Variants in PHF21A observed in about 807,000 individuals in gnomAD.
The protein encoded by PHF21A is PHD finger protein 21A.
In PHF21A, 11 loss-of-function variants were observed where a neutral mutation model predicts 82.5. That is an observed-to-expected ratio of 0.13 (90% CI 0.08 to 0.22). The LOEUF is 0.22. PHF21A is among the 10% of genes least tolerant of loss of function. The pLI, the probability that PHF21A is intolerant of heterozygous loss-of-function variation, is 1.00. For missense variants in PHF21A, 579 were observed against 837.8 expected, an observed-to-expected ratio of 0.69 and a Z score of 3.81; for synonymous variants, 297 against 302.8, an observed-to-expected ratio of 0.98 and a Z score of 0.20.
chr11:45,994,762 G>A (rs747837928), intron 6 of PHF21A, among the ~76,000 whole-genome samples: 108 of 152,280 alleles, frequency 7.1e-4, no homozygotes, highest in Non-Finnish European at 1.3e-3. Context: ...AACCCAGCTC[G>A]CTTAGCTTAC....
At chr11:46,010,108 A>G (rs866784072) in intron 6 of PHF21A, among the ~76,000 whole-genome samples, 2 of 152,218 alleles carry the variant, frequency 1.3e-5, no homozygotes, top group Admixed American at 6.5e-5. Flanking sequence ...GCCAAGTTTG[A>G]GAGTTACTGC....
intron 6 of PHF21A, among the ~76,000 whole-genome samples, chr11:46,019,996 T>A (rs1267047259): frequency 6.6e-6 from 1 of 152,128 alleles, no homozygotes; most frequent in East Asian, 1.9e-4. Context: ...TTGACTCTTT[T>A]TTTTTTTAGC....
chr11:46,050,502 G>T (rs2096341949), intron 6 of PHF21A, among the ~76,000 whole-genome samples: 1 of 152,130 alleles, frequency 6.6e-6, no homozygotes, highest in Non-Finnish European at 1.5e-5. Context: ...AAATAAAAGA[G>T]GGCTGAACTG....
At chr11:46,037,640 C>CAAA (rs1000939610) in intron 6 of PHF21A, among the ~76,000 whole-genome samples, 39 of 58,892 alleles carry the variant, frequency 6.6e-4, no homozygotes, top group Non-Finnish European at 8.1e-4. Context: ...AACGTCATCT[C>CAAA]AAAAAAAAAA....
rs558892005 is a variant in PHF21A, at chr11:46,090,538, C to T, written c.-167G>A. ...CCCCCTCTTGGAGATTCACAATGCA[C>T]ATTAGCATATTAAAGGTTCTGAGAA... On this transcript the variant is annotated 5_prime_UTR_variant, in exon 3 of 19. In the 5' UTR this introduces an upstream ATG that the reference lacks. Transcript: ENST00000676320. The T allele has an allele frequency of 6.6e-6, 1 of 152,244 alleles. No homozygotes were observed. Among genetic ancestry groups the T allele is most frequent in the South Asian group, 2.1e-4 (1 of 4,820 alleles). 9.4% of individuals were successfully genotyped at this position (152,244 alleles called of 1,614,324 possible). A position where few individuals can be genotyped will look rare whatever the true frequency, so the allele number is the denominator to read the frequency against.
At chr11:45,936,281 A>C (rs1311297344) in intron 17 of PHF21A, among the ~76,000 whole-genome samples, 1 of 152,252 alleles carries the variant, frequency 6.6e-6, no homozygotes, top group Non-Finnish European at 1.5e-5. Flanking sequence ...CTTGTCTCAA[A>C]AAATAAATGA....
intron 6 of PHF21A, among the ~76,000 whole-genome samples, chr11:46,055,201 T>C (rs1272945890): frequency 6.6e-6 from 1 of 152,208 alleles, no homozygotes; most frequent in African/African-American, 2.4e-5. Context: ...CATTCTGTTA[T>C]AGATCTCTTA....
At chr11:45,991,150 T>C (rs1448203610) in intron 6 of PHF21A, among the ~76,000 whole-genome samples, 1 of 152,224 alleles carries the variant, frequency 6.6e-6, no homozygotes, top group African/African-American at 2.4e-5. Context: ...CCTTTCCAAA[T>C]TGGTTTCTTT....
intron 10 of PHF21A, among the ~76,000 whole-genome samples, chr11:45,955,658 C>A (rs2092578289): frequency 6.6e-6 from 1 of 152,174 alleles, no homozygotes; most frequent in South Asian, 2.1e-4. Context: ...GTACAATTAT[C>A]TCAGTGTTAT....
chr11:46,011,334 C>A (rs1278860221), intron 6 of PHF21A, among the ~76,000 whole-genome samples: 1 of 151,970 alleles, frequency 6.6e-6, no homozygotes, highest in Non-Finnish European at 1.5e-5. Context: ...ACTAAAAATA[C>A]AAAAATTAGC....
intron 7 of PHF21A, among the ~76,000 whole-genome samples, chr11:45,972,557 C>T (rs536209573): frequency 1.3e-5 from 2 of 152,110 alleles, no homozygotes; most frequent in African/African-American, 4.8e-5. Flanking sequence ...GCAGGTGGAT[C>T]GTCTGAGGTC....
intron 6 of PHF21A, among the ~76,000 whole-genome samples, chr11:46,050,315 G>A (rs553586099): frequency 1.3e-5 from 2 of 152,346 alleles, no homozygotes; most frequent in African/African-American, 4.8e-5. Flanking sequence ...TAATACCACT[G>A]GGTCTTGTTG....
Position 46,011,690 on chromosome 11 carries a change from G to A in PHF21A, c.154-31724C>T, listed in dbSNP as rs573180294. Among the ~76,000 whole-genome samples, 139 of 152,256 alleles carry A rather than the reference G, an allele frequency of 9.1e-4. 4 individuals carry two copies. The South Asian group carries it at 0.028, about 30-fold the overall frequency. ...TTTCTGACTCCCGCAGAATACAGAT[G>A]TTCTTTCAAGCAATGTATTTAGCTA... is the stretch of plus-strand genomic sequence containing the variant. On this transcript the variant is annotated intron_variant, in intron 6 of 18. Transcript: ENST00000676320.
At chr11:46,109,899 T>G (rs2097192493) in intron 1 of PHF21A, among the ~76,000 whole-genome samples, 1 of 151,352 alleles carries the variant, frequency 6.6e-6, no homozygotes, top group Admixed American at 6.6e-5. Context: ...GAGAATCACT[T>G]GAACCTAGGA....
At chr11:45,987,052 C>T (rs1248952961) in intron 6 of PHF21A, among the ~76,000 whole-genome samples, 1 of 152,010 alleles carries the variant, frequency 6.6e-6, no homozygotes, top group Non-Finnish European at 1.5e-5. Flanking sequence ...GGTTCAGGGC[C>T]ATAATTATGA....
chr11:46,081,726 A>T (rs1008589968), intron 4 of PHF21A, among the ~76,000 whole-genome samples: 5 of 152,234 alleles, frequency 3.3e-5, no homozygotes, highest in Non-Finnish European at 5.9e-5. Flanking sequence ...GATATACTTC[A>T]TGCCAAAGGT....
rs1352495456 is a variant in PHF21A at position 46,121,444 on chromosome 11, C to G, written c.-746G>C. ...CACCAGCCCATTCACCACCCGGCCC[C>G]GGGCCGCAGCACCTCCGCCGCCTCA... On this transcript the variant is annotated 5_prime_UTR_variant, in exon 1 of 19. Coordinates refer to ENST00000676320, the MANE Select transcript of PHF21A (RefSeq NM_001352027.3). 1.3e-5 allele frequency among the ~76,000 whole-genome samples: 2 copies of G among 150,758 alleles called. No homozygotes were observed. The highest frequency in any genetic ancestry group is 1.5e-5 in the Non-Finnish European group (1 of 67,492).
chr11:46,015,129 CT>C (rs1235494586), intron 6 of PHF21A, among the ~76,000 whole-genome samples: 1 of 151,958 alleles, frequency 6.6e-6, no homozygotes, highest in African/African-American at 2.4e-5. Flanking sequence ...TGTTTGTTGA[CT>C]GCTTGTATGT....
intron 6 of PHF21A, among the ~76,000 whole-genome samples, chr11:46,049,117 G>A (rs1314364469): frequency 1.3e-5 from 2 of 152,260 alleles, no homozygotes; most frequent in East Asian, 3.9e-4. Flanking sequence ...ATCATTGTTG[G>A]GGCATTTTCC....
Sources: gnomAD v4.1 joint callset for allele counts (sites outside exome capture counted in the v4.1 genomes callset) on GRCh38, gnomAD v4.1.1 for gene constraint, MANE v1.5 for transcripts, NCBI Gene and HGNC (gene_info 2026-07-23, HGNC 2026-07-21) for gene names.